Variants in SERPINA10 observed in about 807,000 individuals in gnomAD.
The protein encoded by SERPINA10 is serpin family A member 10.
In SERPINA10, 24 loss-of-function variants were observed where a neutral mutation model predicts 28.0. That is an observed-to-expected ratio of 0.86 (90% CI 0.62 to 1.20). The LOEUF (loss-of-function observed/expected upper bound fraction) is 1.20. Among genes scored for constraint, SERPINA10 ranks in the 50% most tolerant of loss-of-function variants. SERPINA10 has a pLI of 0.00. For missense variants in SERPINA10, 521 were observed against 537.7 expected (o/e 0.97, Z 0.31); for synonymous variants, 207 against 203.9 (o/e 1.02, Z -0.13).
In SERPINA10 at chr14:94,290,270, G is replaced by A; in HGVS notation, c.324C>T (p.Ala108=). Residue 108 remains alanine, a synonymous_variant, in exon 2 of 5, where the codon GCC becomes GCT. Transcript: ENST00000261994. ...TGGCCCCCAGCATCAAGCCTGTCAT[G>A]GCCAAGGACATGCCAAATGGAGAGA... The part of the protein sequence containing the change: ...MVFSPFGMSL[A]MTGLMLGATG... The A allele has an allele frequency of 6.2e-7, 1 of 1,614,232 alleles. No individual in the cohort carries two copies.
Position 94,282,104 on chromosome 14 carries a change from A to T in SERPINA10, c.*1861T>A, listed in dbSNP as rs1290073307. On this transcript the variant is annotated 3_prime_UTR_variant, in exon 5 of 5. Coordinates refer to ENST00000261994, the MANE Select transcript of SERPINA10 (RefSeq NM_001100607.3). Reference sequence around the variant, plus strand: ...TACTCTTGGAATGAATACAGGAATGAATTTTATTTTATTAATATGCAGTCT... The same window carrying T: ...TACTCTTGGAATGAATACAGGAATGTATTTTATTTTATTAATATGCAGTCT... The T allele has an allele frequency of 6.6e-6, 1 of 152,380 alleles. No homozygotes were observed. Among genetic ancestry groups the T allele is most frequent in the African/African-American group, 2.4e-5 (1 of 41,402 alleles). 9.4% of individuals were successfully genotyped at this position (152,380 alleles called of 1,614,324 possible).
In SERPINA10 at chr14:94,282,507, C is replaced by G. The variant is rs1411683418; in HGVS notation, c.*1458G>C. ...CTGTAGTGCATGCTGTTTACCTGGT[C>G]CCCATCAGATGTTTTAGATGGAAGG... On this transcript the variant is annotated 3_prime_UTR_variant, in exon 5 of 5. Coordinates refer to ENST00000261994, the MANE Select transcript of SERPINA10 (RefSeq NM_001100607.3). 6.6e-6 allele frequency: 1 copy of G among 152,088 alleles called. No individual in the cohort carries two copies. Among genetic ancestry groups the G allele is most frequent in the Non-Finnish European group, 1.5e-5 (1 of 68,032 alleles). The allele number at this position is 152,088 out of a possible 1,614,324, so 9.4% of individuals were successfully genotyped here. A position where few individuals can be genotyped will look rare whatever the true frequency, so the allele number is the denominator to read the frequency against.
chr14:94,285,516 TAC>T (rs1000652686), intron 4 of SERPINA10, among the ~76,000 whole-genome samples: 9 of 151,266 alleles, frequency 5.9e-5, no homozygotes, highest in East Asian at 1.9e-4. Context: ...TATATATATA[TAC>T]ACACACACAT....
At chr14:94,291,191 G>T (rs1895171577) in intron 1 of SERPINA10, among the ~76,000 whole-genome samples, 1 of 152,186 alleles carries the variant, frequency 6.6e-6, no homozygotes, top group South Asian at 2.1e-4. Context: ...TCTTTGCACT[G>T]CACCTCTGCT....
Position 94,290,056 on chromosome 14 carries a change from TGAA to T in SERPINA10, c.535_537del (p.Phe179del). On this transcript the variant is annotated inframe_deletion, in exon 2 of 5. Coordinates refer to ENST00000261994, the MANE Select transcript of SERPINA10 (RefSeq NM_001100607.3). ...GTATCAAAATACCTCTTGGATAAAT[TGAA>T]GAAAGTCTCTTTGACATCAAAATCC... is the stretch of plus-strand genomic sequence containing the variant. 3.1e-6 allele frequency: 5 copies of T among 1,614,184 alleles called. No individual in the cohort carries two copies. Among genetic ancestry groups the T allele is most frequent in the Non-Finnish European group, 4.2e-6 (5 of 1,180,028 alleles).
At chr14:94,291,265 G>T (rs1233986110) in intron 1 of SERPINA10, among the ~76,000 whole-genome samples, 1 of 152,192 alleles carries the variant, frequency 6.6e-6, no homozygotes, top group Admixed American at 6.5e-5. Context: ...CCGGGTAGCA[G>T]GAGGCCCCGC....
intron 3 of SERPINA10, among the ~76,000 whole-genome samples, chr14:94,287,550 C>A (rs1410740287): frequency 6.6e-6 from 1 of 152,198 alleles, no homozygotes; most frequent in Non-Finnish European, 1.5e-5. Context: ...ATCCTTACCC[C>A]CTAGTGTCTT....
At position 94,292,480 on chromosome 14, in the gene SERPINA10, A is replaced by G. The variant is rs1258441271; in HGVS notation, c.-51+709T>C. On this transcript the variant is annotated intron_variant, in intron 1 of 4. Coordinates refer to ENST00000261994, the MANE Select transcript of SERPINA10 (RefSeq NM_001100607.3). ...CTAAAACGATTACGTGGCATCATTT[A>G]GTGCTACTTTCTACATTAAGACCAC... 3 of 641,962 alleles carry G rather than the reference A, an allele frequency of 4.7e-6. No homozygotes were observed. The African/African-American group carries it at 5.4e-5, about 11-fold the overall frequency. 39.8% of individuals were successfully genotyped at this position (641,962 alleles called of 1,614,324 possible).
At position 94,280,940 on chromosome 14, in the gene SERPINA10, T is replaced by G. The variant is rs1894883402; in HGVS notation, c.*3025A>C. 2 of 152,224 alleles carry G rather than the reference T, an allele frequency of 1.3e-5. No homozygotes were observed. The highest frequency in any genetic ancestry group is 4.8e-5 in the African/African-American group (2 of 41,462). The allele number at this position is 152,224 out of a possible 1,614,324, so 9.4% of individuals were successfully genotyped here. ...CTTCCTGAGCTTGAATATCTTAGTC[T>G]GGAGATGAGTCAGTTTTGCCATACA... On this transcript the variant is annotated 3_prime_UTR_variant, in exon 5 of 5. Transcript: ENST00000261994.
At chr14:94,287,019 G>A (rs947658351) in intron 3 of SERPINA10, among the ~76,000 whole-genome samples, 2 of 152,134 alleles carry the variant, frequency 1.3e-5, no homozygotes, top group African/African-American at 4.8e-5. Context: ...CATGGAATTC[G>A]TATTGCAGCC....
At chr14:94,285,823 T>A (rs966280593) in intron 4 of SERPINA10, among the ~76,000 whole-genome samples, 3 of 152,152 alleles carry the variant, frequency 2.0e-5, no homozygotes, top group African/African-American at 4.8e-5. Context: ...ACATAAATGA[T>A]GATGCCTCTG....
intron 2 of SERPINA10, among the ~76,000 whole-genome samples, chr14:94,289,424 T>C (rs1156296932): frequency 6.6e-6 from 1 of 152,256 alleles, no homozygotes; most frequent in African/African-American, 2.4e-5. Context: ...GTCTGCTATG[T>C]GCCAAGCCCA....
Position 94,290,538 on chromosome 14 carries a change from A to G in SERPINA10, c.56T>C (p.Val19Ala), listed in dbSNP as rs771899562. 6.2e-7 allele frequency: 1 copy of G among 1,607,604 alleles called. No individual in the cohort carries two copies. Among genetic ancestry groups the G allele is most frequent in the Non-Finnish European group, 8.5e-7 (1 of 1,177,994 alleles). Reference sequence around the variant, plus strand: ...CTGAGGACTGGGGGCCAAGCCGGGTACCAGCCACACCTGTGCCAGGAGGAC... The same window carrying G: ...CTGAGGACTGGGGGCCAAGCCGGGTGCCAGCCACACCTGTGCCAGGAGGAC... ...LSVLLAQVWL[V>A]PGLAPSPQSP... The change falls in exon 2 of 5, where the codon GTA (valine) becomes GCA (alanine). Residue 19 changes from valine (V) to alanine (A), a missense_variant. Val to Ala is a moderately conservative substitution (Grantham distance 64). Transcript: ENST00000261994.
At chr14:94,287,365 G>C (rs554888072) in intron 3 of SERPINA10, among the ~76,000 whole-genome samples, 3 of 152,056 alleles carry the variant, frequency 2.0e-5, no homozygotes, top group Admixed American at 2.0e-4. Flanking sequence ...CAAAAACTTT[G>C]TGATCACCTT....
chr14:94,292,336 G>T (rs995605670), intron 1 of SERPINA10, among the ~76,000 whole-genome samples: 1 of 152,098 alleles, frequency 6.6e-6, no homozygotes, highest in African/African-American at 2.4e-5. Context: ...CAAGAAGACA[G>T]CCCTACCAGA....
At chr14:94,292,372 C>T (rs989032488) in intron 1 of SERPINA10, among the ~76,000 whole-genome samples, 7 of 152,122 alleles carry the variant, frequency 4.6e-5, no homozygotes, top group East Asian at 1.9e-4. Context: ...CACCCTGACT[C>T]GGACTTTCAG....
Position 94,280,780 on chromosome 14 carries a change from C to T in SERPINA10, c.*3185G>A, listed in dbSNP as rs938870882. On this transcript the variant is annotated 3_prime_UTR_variant, in exon 5 of 5. Transcript: ENST00000261994. Reference sequence around the variant, plus strand: ...TTCACTAGTTAGCCTTACAAGCTAACTGTAGAGCTCACTTTTACTGCAGAA... The same window carrying T: ...TTCACTAGTTAGCCTTACAAGCTAATTGTAGAGCTCACTTTTACTGCAGAA... 6.6e-6 allele frequency: 1 copy of T among 152,138 alleles called. No individual in the cohort carries two copies. Among genetic ancestry groups the T allele is most frequent in the Non-Finnish European group, 1.5e-5 (1 of 68,030 alleles). The allele number at this position is 152,138 out of a possible 1,614,324, so 9.4% of individuals were successfully genotyped here.
rs1030051964 is a variant in SERPINA10 at position 94,282,332 on chromosome 14, A to T, written c.*1633T>A. 1 of 152,110 alleles carries T rather than the reference A, an allele frequency of 6.6e-6. No individual in the cohort carries two copies. The highest frequency in any genetic ancestry group is 1.5e-5 in the Non-Finnish European group (1 of 68,016). The allele number at this position is 152,110 out of a possible 1,614,324, so 9.4% of individuals were successfully genotyped here. On this transcript the variant is annotated 3_prime_UTR_variant, in exon 5 of 5. Transcript: ENST00000261994. ...TTTAGTTAACATAGTTCACACTGTA[A>T]ATCAGCTCTATTCAGGATTCTCTGA...
At chr14:94,292,559 T>G (rs1166821817) in intron 1 of SERPINA10, 1 of 701,008 alleles carries the variant, frequency 1.4e-6, no homozygotes, top group African/African-American at 1.8e-5. Context: ...GTCAGGAAAT[T>G]AGCCCAGCAC....
Sources: gnomAD v4.1 joint callset for allele counts (sites outside exome capture counted in the v4.1 genomes callset) on GRCh38, gnomAD v4.1.1 for gene constraint, MANE v1.5 for transcripts, NCBI Gene and HGNC (gene_info 2026-07-23, HGNC 2026-07-21) for gene names.